Variants in EPB41 observed in about 807,000 individuals in gnomAD.
EPB41 encodes the protein erythrocyte membrane protein band 4.1, also known as protein 4.1.
EPB41 carries 65 observed loss-of-function variants against 108.0 expected under a neutral mutation model. The observed-to-expected ratio is 0.60, with a 90% CI of 0.49 to 0.74. The LOEUF is 0.74. Ranked by LOEUF, EPB41 falls within the 30% of genes least tolerant of loss-of-function variation. The pLI is 0.00. For synonymous variants in EPB41, 336 were observed against 358.9 expected (o/e 0.94, Z 0.72); for missense variants, 875 against 1,037.0 (o/e 0.84, Z 2.15).
chr1:29,080,493 C>T lies in EPB41; in HGVS notation c.2184+15335C>T, dbSNP rs145346019. On this transcript the variant is annotated intron_variant, in intron 16 of 20. Coordinates refer to ENST00000343067, the MANE Select transcript of EPB41 (RefSeq NM_001376013.1). ...ATGCAATCACATCTCACTGAAGTCT[C>T]GACCTTCTGGCCTCAAATAGTCCTC... Among the ~76,000 whole-genome samples the T allele has an allele frequency of 3.1e-3, 467 of 151,176 alleles. 3 individuals are homozygous for T. The highest frequency in any genetic ancestry group is 0.011 in the African/African-American group (441 of 41,140).
chr1:29,091,751 G>A (rs1661264194), intron 16 of EPB41, among the ~76,000 whole-genome samples: 1 of 152,154 alleles, frequency 6.6e-6, no homozygotes, highest in Non-Finnish European at 1.5e-5. Flanking sequence ...CAGCCTTGTT[G>A]TCAGTCTTTC....
At position 28,887,331 on chromosome 1, in the gene EPB41, TC is replaced by T; in HGVS notation, c.-8+123del. The T allele has an allele frequency of 8.5e-7, 1 of 1,180,710 alleles. No individual in the cohort carries two copies. The highest frequency in any genetic ancestry group is 1.1e-6 in the Non-Finnish European group (1 of 937,706). 73.1% of individuals were successfully genotyped at this position (1,180,710 alleles called of 1,614,324 possible). On this transcript the variant is annotated intron_variant, in intron 1 of 16. Transcript: ENST00000347529. The surrounding 1 kb of genome is among the most constrained non-coding windows in gnomAD (Gnocchi z 4.9). Reference sequence around the variant, plus strand: ...GAGAGGCGAGACCAGGGTCGAAGGGTCCAGGGCTGAGGGGTCCAGCGGTCCC... The same window carrying T: ...GAGAGGCGAGACCAGGGTCGAAGGGTCAGGGCTGAGGGGTCCAGCGGTCCC...
At chr1:28,959,982 CTTTCTTTTTTTTTCT>C (rs1319671568) in intron 1 of EPB41, among the ~76,000 whole-genome samples, 2 of 148,340 alleles carry the variant, frequency 1.3e-5, no homozygotes, top group African/African-American at 2.5e-5. Flanking sequence ...TCTTGAGGCC[CTTTCTTTTTTTTTCT>C]TTTCTTTTTT....
At chr1:29,032,136 A>G (rs1383100552) in intron 8 of EPB41, among the ~76,000 whole-genome samples, 1 of 151,166 alleles carries the variant, frequency 6.6e-6, no homozygotes, top group East Asian at 1.9e-4. Context: ...GTTCTGGATT[A>G]TTTTGGGCTG....
At chr1:29,020,495 A>G (rs1173122486) in intron 7 of EPB41, among the ~76,000 whole-genome samples, 2 of 152,218 alleles carry the variant, frequency 1.3e-5, no homozygotes, top group African/African-American at 4.8e-5. Context: ...CTGTAGGGAA[A>G]TGTTATTTTT....
intron 1 of EPB41, among the ~76,000 whole-genome samples, chr1:28,977,234 G>A (rs2095627571): frequency 6.6e-6 from 1 of 152,016 alleles, no homozygotes; most frequent in African/African-American, 2.4e-5. Flanking sequence ...TCCCTAAATG[G>A]TGATTATAAA....
At chr1:29,034,001 G>C (rs1467306002) in intron 9 of EPB41, among the ~76,000 whole-genome samples, 2 of 152,138 alleles carry the variant, frequency 1.3e-5, no homozygotes, top group East Asian at 3.9e-4. Context: ...TATAGGAAAT[G>C]ATACTAACCT....
chr1:28,935,469 C>CACACACACACACACACA (rs1234434094), intron 1 of EPB41, among the ~76,000 whole-genome samples: 1,792 of 42,238 alleles, frequency 0.042, 247 homozygotes, highest in East Asian at 0.053. Context: ...ACACACACAC[C>CACACACACACACACACA]CCCCCCCCCC....
In EPB41 at chr1:28,935,251, C is replaced by T. The variant is rs112679519; in HGVS notation, c.-8+20483C>T. ...TTCGAGACCAGCATGACCAACATGGCGAAACGCTGTTTCTACACAAAAATA... is the reference window on the plus strand; with the variant it reads ...TTCGAGACCAGCATGACCAACATGGTGAAACGCTGTTTCTACACAAAAATA... On this transcript the variant is annotated intron_variant, in intron 1 of 20. Coordinates refer to ENST00000343067, the MANE Select transcript of EPB41 (RefSeq NM_001376013.1). 1.9e-3 allele frequency among the ~76,000 whole-genome samples: 288 copies of T among 151,642 alleles called. 1 individual carries two copies. Among genetic ancestry groups the T allele is most frequent in the Middle Eastern group, 0.014 (4 of 292 alleles).
Position 29,018,522 on chromosome 1 carries a change from C to T in EPB41, c.1124+80C>T, listed in dbSNP as rs1258505384. 4.4e-6 allele frequency: 6 copies of T among 1,351,726 alleles called. No individual in the cohort carries two copies. Among genetic ancestry groups the T allele is most frequent in the Non-Finnish European group, 6.4e-6 (6 of 944,850 alleles). The allele number at this position is 1,351,726 out of a possible 1,614,324, so 83.7% of individuals were successfully genotyped here. A position where few individuals can be genotyped will look rare whatever the true frequency, so the allele number is the denominator to read the frequency against. ...CAACATGGTATTGGTTCATTGTTTGCCTAAGAGGGATCATGGTGCCATAGA... is the reference window on the plus strand; with the variant it reads ...CAACATGGTATTGGTTCATTGTTTGTCTAAGAGGGATCATGGTGCCATAGA... On this transcript the variant is annotated intron_variant, in intron 7 of 20. Transcript: ENST00000343067. The surrounding 1 kb of genome is among the most constrained non-coding windows in gnomAD (Gnocchi z 4.4).
At chr1:29,060,294 T>G in intron 14 of EPB41, 128 bp from the exon 15 acceptor site, 2 of 698,088 alleles carry the variant, frequency 2.9e-6, no homozygotes, top group South Asian at 3.3e-5. Context: ...CATTTCATGT[T>G]GGCATATGCT....
At chr1:28,953,180 T>C (rs931097207) in intron 1 of EPB41, among the ~76,000 whole-genome samples, 3 of 152,186 alleles carry the variant, frequency 2.0e-5, no homozygotes, top group African/African-American at 7.2e-5. Context: ...GGTATACTCT[T>C]ATCTCTCTCT....
intron 14 of EPB41, 58 bp downstream of exon 14, chr1:29,058,910 A>C (rs1646024679): frequency 7.2e-7 from 1 of 1,387,030 alleles, no homozygotes; most frequent in Non-Finnish European, 1.0e-6. Flanking sequence ...GCTGACTTAC[A>C]GTGCATTAAA....
intron 16 of EPB41, among the ~76,000 whole-genome samples, chr1:29,090,570 G>A (rs1299787608): frequency 6.6e-6 from 1 of 152,100 alleles, no homozygotes; most frequent in Non-Finnish European, 1.5e-5. Context: ...GACCAACATG[G>A]AGAAACCCTG....
chr1:28,968,977 C>T (rs1385328687), intron 1 of EPB41, among the ~76,000 whole-genome samples: 1 of 57,898 alleles, frequency 1.7e-5, no homozygotes, highest in Non-Finnish European at 2.8e-5. Flanking sequence ...AAACCCCCCA[C>T]CCCCCAAAAA....
At chr1:29,087,045 C>T (rs920110182) in intron 16 of EPB41, among the ~76,000 whole-genome samples, 20 of 145,434 alleles carry the variant, frequency 1.4e-4, no homozygotes, top group Non-Finnish European at 2.7e-4. Flanking sequence ...CCTGGGTTCA[C>T]GCCATTCTCC....
rs1220977837 is a variant in EPB41 at position 28,908,588 on chromosome 1, C to T, written c.-8+21378C>T. Among the ~76,000 whole-genome samples, 8 of 150,020 alleles carry T rather than the reference C, an allele frequency of 5.3e-5. No homozygotes were observed. In the South Asian group the frequency reaches 1.3e-3, roughly 24 times the overall value. On this transcript the variant is annotated intron_variant, in intron 1 of 16. Transcript: ENST00000347529. ...CTGGGATTACAGGCGTGTGCCACCACGCCTGGCTAATTTTCATATTTTTAG... is the reference window on the plus strand; with the variant it reads ...CTGGGATTACAGGCGTGTGCCACCATGCCTGGCTAATTTTCATATTTTTAG...
intron 4 of EPB41, among the ~76,000 whole-genome samples, chr1:29,000,889 G>A (rs2096281572): frequency 6.6e-6 from 1 of 151,836 alleles, no homozygotes; most frequent in East Asian, 1.9e-4. Context: ...GATCTAAGAA[G>A]CAGAGCATGG....
intron 7 of EPB41, among the ~76,000 whole-genome samples, chr1:29,021,021 G>T (rs1431183394): frequency 1.3e-5 from 2 of 152,120 alleles, no homozygotes; most frequent in African/African-American, 4.8e-5. Context: ...TCCAATGCTT[G>T]ATTCTCCTTT....
Sources: gnomAD v4.1 joint callset for allele counts (sites outside exome capture counted in the v4.1 genomes callset) on GRCh38, gnomAD v4.1.1 for gene constraint, Gnocchi (gnomAD v3.1) non-coding constraint, MANE v1.5 for transcripts, NCBI Gene and HGNC (gene_info 2026-07-23, HGNC 2026-07-21) for gene names.